PCDH7: variants seen among roughly 807,000 people sequenced by gnomAD.
PCDH7 encodes protocadherin-7.
Under a neutral mutation model 58.9 loss-of-function variants are expected in PCDH7, and 17 were observed. The observed-to-expected ratio is 0.29, with a 90% CI of 0.20 to 0.43. PCDH7 has a LOEUF of 0.43. PCDH7 is among the 20% of genes least tolerant of loss of function. PCDH7 has a pLI of 1.00. For missense variants in PCDH7, 1,274 were observed against 1,441.0 expected, an observed-to-expected ratio of 0.88 and a Z score of 1.88; for synonymous variants, 664 against 616.4, an observed-to-expected ratio of 1.08 and a Z score of -1.14.
At chr4:30,902,677 T>C (rs1740382086) in intron 1 of PCDH7, among the ~76,000 whole-genome samples, 1 of 151,912 alleles carries the variant, frequency 6.6e-6, no homozygotes. Context: ...CTATAAACTT[T>C]TGTGGAAAAA....
chr4:30,899,606 C>G (rs1271073568), intron 1 of PCDH7, among the ~76,000 whole-genome samples: 1 of 152,224 alleles, frequency 6.6e-6, no homozygotes, highest in Non-Finnish European at 1.5e-5. Context: ...ATCTGATAAT[C>G]TCTAAGAGAT....
At chr4:30,999,444 AC>A (rs1360218713) in intron 3 of PCDH7, among the ~76,000 whole-genome samples, 3 of 152,232 alleles carry the variant, frequency 2.0e-5, no homozygotes, top group African/African-American at 7.2e-5. Flanking sequence ...GAGAGAGAAA[AC>A]TATTTCTCAG....
intron 1 of PCDH7, among the ~76,000 whole-genome samples, chr4:30,826,431 A>G (rs1417294744): frequency 6.6e-6 from 1 of 152,044 alleles, no homozygotes; most frequent in South Asian, 2.1e-4. Flanking sequence ...TTTATCAATA[A>G]TCCACCCTCG....
At chr4:30,776,858 GGTGTGTGT>G (rs57657077) in intron 1 of PCDH7, among the ~76,000 whole-genome samples, 5 of 147,614 alleles carry the variant, frequency 3.4e-5, no homozygotes, top group South Asian at 2.1e-4. Context: ...TTTGATATGT[GGTGTGTGT>G]GTGTGTGTGT....
chr4:30,889,453 C>A (rs1738312627), intron 1 of PCDH7, among the ~76,000 whole-genome samples: 1 of 152,050 alleles, frequency 6.6e-6, no homozygotes, highest in Non-Finnish European at 1.5e-5. Context: ...CATAGTGATG[C>A]TCAGCAGCAT....
intron 1 of PCDH7, among the ~76,000 whole-genome samples, chr4:30,831,519 C>T (rs987180402): frequency 6.6e-6 from 1 of 152,110 alleles, no homozygotes; most frequent in Non-Finnish European, 1.5e-5. Flanking sequence ...CATGGGTATT[C>T]AACAGATTTC....
At chr4:31,095,222 T>C (rs1713806221) in intron 3 of PCDH7, among the ~76,000 whole-genome samples, 1 of 152,092 alleles carries the variant, frequency 6.6e-6, no homozygotes, top group African/African-American at 2.4e-5. Flanking sequence ...GGTTCTATGG[T>C]AGATTTTGTA....
intron 1 of PCDH7, among the ~76,000 whole-genome samples, chr4:30,831,661 T>G (rs1273839962): frequency 6.6e-6 from 1 of 152,068 alleles, no homozygotes; most frequent in Admixed American, 6.6e-5. Flanking sequence ...TCAGGCTAAC[T>G]CTGAACCAGG....
intron 1 of PCDH7, among the ~76,000 whole-genome samples, chr4:30,871,343 T>C (rs1298166750): frequency 6.6e-6 from 1 of 152,048 alleles, no homozygotes; most frequent in Non-Finnish European, 1.5e-5. Flanking sequence ...ACTTTTTTCA[T>C]CTTGTGGCTC....
chr4:30,821,136 T>G (rs1473995133), intron 1 of PCDH7, among the ~76,000 whole-genome samples: 1 of 152,116 alleles, frequency 6.6e-6, no homozygotes, highest in Non-Finnish European at 1.5e-5. Flanking sequence ...AACTGAGGCT[T>G]TGGGAGGTTA....
intron 1 of PCDH7, among the ~76,000 whole-genome samples, chr4:30,756,545 C>T (rs756661781): frequency 6.6e-6 from 1 of 152,160 alleles, no homozygotes; most frequent in African/African-American, 2.4e-5. Context: ...GCTGACACCC[C>T]GAATACGGTA....
intron 1 of PCDH7, among the ~76,000 whole-genome samples, chr4:30,827,579 G>T (rs1466884652): frequency 3.3e-5 from 5 of 152,096 alleles, no homozygotes. Context: ...GTATATTTGT[G>T]TCATTAAGCA....
chr4:30,944,774 G>A (rs1220693555), intron 2 of PCDH7, among the ~76,000 whole-genome samples: 2 of 152,064 alleles, frequency 1.3e-5, no homozygotes, highest in East Asian at 1.9e-4. Context: ...GTAAAATCAT[G>A]TATTAATTAA....
chr4:30,848,655 A>C (rs948489497), intron 1 of PCDH7, among the ~76,000 whole-genome samples: 7 of 152,134 alleles, frequency 4.6e-5, no homozygotes, highest in Non-Finnish European at 7.4e-5. Context: ...CTGCCAAATC[A>C]TGCTTAAAGT....
intron 1 of PCDH7, among the ~76,000 whole-genome samples, chr4:30,794,607 C>A (rs949921055): frequency 2.9e-5 from 4 of 139,836 alleles, no homozygotes; most frequent in African/African-American, 1.2e-4. Context: ...AGAAGGGAGA[C>A]ATTTAAGTTT....
intron 3 of PCDH7, among the ~76,000 whole-genome samples, chr4:31,137,020 G>A (rs1243577615): frequency 6.6e-6 from 1 of 152,116 alleles, no homozygotes; most frequent in Non-Finnish European, 1.5e-5. Flanking sequence ...TTTTCATTTA[G>A]ACTAATGACA....
intron 3 of PCDH7, among the ~76,000 whole-genome samples, chr4:30,968,376 CTATATATATATATA>C (rs60085619): frequency 0.013 from 866 of 67,038 alleles, 37 homozygotes; most frequent in African/African-American, 0.052. Flanking sequence ...TATACACACA[CTATATATATATATA>C]TATATATATA....
Position 30,721,815 on chromosome 4 carries a change from C to A in PCDH7, c.393C>A (p.Val131=). 1 of 1,612,140 alleles carries A rather than the reference C, an allele frequency of 6.2e-7. No individual in the cohort carries two copies. The highest frequency in any genetic ancestry group is 8.5e-7 in the Non-Finnish European group (1 of 1,179,348). Reference sequence around the variant, plus strand: ...GGGTGGACCTGTTTGAGGGTCAGGTCATCGTGCTTGACATCAACGACAACA... The same window carrying A: ...GGGTGGACCTGTTTGAGGGTCAGGTAATCGTGCTTGACATCAACGACAACA... The change falls in exon 1 of 2, where the codon GTC becomes GTA. Residue 131 remains valine (V), a synonymous_variant. Coordinates refer to ENST00000361762, the Ensembl canonical transcript of PCDH7. The surrounding 1 kb of genome is among the most constrained non-coding windows in gnomAD (Gnocchi z 6.7).
intron 3 of PCDH7, among the ~76,000 whole-genome samples, chr4:31,089,161 T>G (rs1712882651): frequency 6.6e-6 from 1 of 152,062 alleles, no homozygotes; most frequent in African/African-American, 2.4e-5. Flanking sequence ...GCAGGGACAT[T>G]GTGTTATTGG....
Sources: allele counts gnomAD v4.1 joint callset (sites outside exome capture counted in the v4.1 genomes callset), GRCh38; gene constraint gnomAD v4.1.1; non-coding constraint Gnocchi (gnomAD v3.1); transcripts MANE v1.5; gene names NCBI Gene and HGNC (gene_info 2026-07-23, HGNC 2026-07-21).